The following LIPG variants were observed in gnomAD, a reference collection of about 807,000 sequenced individuals.
LIPG encodes the protein endothelial lipase.
In LIPG, 34 loss-of-function variants were observed where a neutral mutation model predicts 51.8. The ratio of observed to expected loss-of-function variants is 0.66; its 90% CI spans 0.50 to 0.87. The LOEUF (loss-of-function observed/expected upper bound fraction) is 0.87, where lower values mean the gene tolerates loss of function less well. LIPG is among the 40% of genes least tolerant of loss of function. The pLI is 0.00. For synonymous variants in LIPG, 246 were observed against 246.1 expected, an observed-to-expected ratio of 1.00 and a Z score of 0.00; for missense variants, 580 against 652.7, an observed-to-expected ratio of 0.89 and a Z score of 1.21.
At position 49,597,169 on chromosome 18, in the gene LIPG, A is replaced by T. The variant is rs979053569; in HGVS notation, c.*6647A>T. On this transcript the variant is annotated 3_prime_UTR_variant, in exon 10 of 10. Transcript: ENST00000261292. ...AGGAAAGGTTCCTGTTGGGATAGAG[A>T]AACAGTGGAGCAGGGCAGCCACCTT... The T allele has an allele frequency of 1.3e-5, 2 of 152,242 alleles. No homozygotes were observed. Among genetic ancestry groups the T allele is most frequent in the East Asian group, 3.8e-4 (2 of 5,202 alleles). The allele number at this position is 152,242 out of a possible 1,614,324, so 9.4% of individuals were successfully genotyped here. A position where few individuals can be genotyped will look rare whatever the true frequency, so the allele number is the denominator to read the frequency against.
intron 6 of LIPG, 86 bp downstream of exon 6, chr18:49,581,743 G>A: frequency 1.3e-6 from 2 of 1,538,704 alleles, no homozygotes; most frequent in South Asian, 1.1e-5. Context: ...GCACATCCTA[G>A]CCCAGGAGAA....
At chr18:49,587,923 G>A (rs1048091537) in intron 9 of LIPG, among the ~76,000 whole-genome samples, 5 of 152,060 alleles carry the variant, frequency 3.3e-5, no homozygotes, top group African/African-American at 1.2e-4. Flanking sequence ...TGTATAGCTG[G>A]GACCACAGGC....
chr18:49,579,367 T>G (rs1432724427), intron 5 of LIPG, among the ~76,000 whole-genome samples: 1 of 151,730 alleles, frequency 6.6e-6, no homozygotes, highest in Non-Finnish European at 1.5e-5. Flanking sequence ...GTTTCCCAGG[T>G]TGGAAACAAA....
chr18:49,581,302 C>A, intron 5 of LIPG, 113 bp from the exon 6 acceptor site: 1 of 1,433,840 alleles, frequency 7.0e-7, no homozygotes, highest in Non-Finnish European at 9.8e-7. Flanking sequence ...CATGAAAATA[C>A]TAACAGCAAC....
At chr18:49,574,719 G>A (rs1212140315) in intron 4 of LIPG, among the ~76,000 whole-genome samples, 1 of 152,112 alleles carries the variant, frequency 6.6e-6, no homozygotes, top group East Asian at 1.9e-4. Context: ...AACACAAAAT[G>A]TTTGGAGGCG....
chr18:49,589,954 G>A (rs9963190), intron 9 of LIPG: 1 of 177,720 alleles, frequency 5.6e-6, no homozygotes, highest in Admixed American at 5.4e-5. Context: ...AACATGTTTA[G>A]CATCCTCCCT....
chr18:49,581,215 C>G (rs982849000), intron 5 of LIPG, among the ~76,000 whole-genome samples, 200 bp from the exon 6 acceptor site: 2 of 152,026 alleles, frequency 1.3e-5, no homozygotes, highest in Non-Finnish European at 2.9e-5. Flanking sequence ...AGCGGGGGGT[C>G]GTGATTGTCC....
chr18:49,578,981 C>T (rs1030901103), intron 5 of LIPG, among the ~76,000 whole-genome samples: 1 of 121,422 alleles, frequency 8.2e-6, no homozygotes, highest in African/African-American at 3.3e-5. Flanking sequence ...AGCTTCGGCT[C>T]CACATGAGAG....
chr18:49,561,891 G>C (rs1323374577), upstream of LIPG: 1 of 1,284,388 alleles, frequency 7.8e-7, no homozygotes, highest in Non-Finnish European at 9.8e-7. Context: ...CGTCCACGCG[G>C]TGAGTGTGCA....
At chr18:49,563,300 C>T (rs1413151606) in intron 1 of LIPG, among the ~76,000 whole-genome samples, 1 of 152,160 alleles carries the variant, frequency 6.6e-6, no homozygotes, top group Non-Finnish European at 1.5e-5. Context: ...GTTTCCAACT[C>T]TGGTGCTAAC....
chr18:49,567,575 C>G lies in LIPG; in HGVS notation c.413C>G (p.Thr138Ser). 1 of 1,614,044 alleles carries G rather than the reference C, an allele frequency of 6.2e-7. No homozygotes were observed. The highest frequency in any genetic ancestry group is 8.5e-7 in the Non-Finnish European group (1 of 1,180,024). The change falls in exon 3 of 10, where the codon ACC becomes AGC. Residue 138 changes from threonine (T) to serine (S), a missense_variant. Physicochemically the swap from Thr to Ser is moderately conservative, Grantham distance 58. Transcript: ENST00000261292. Reference sequence around the variant, plus strand: ...CTTTACACGGATGCGGTCAATAATACCAGGGTGGTGGGACACAGCATTGCC... The same window carrying G: ...CTTTACACGGATGCGGTCAATAATAGCAGGGTGGTGGGACACAGCATTGCC... ...HQLYTDAVNN[T>S]RVVGHSIARM...
chr18:49,590,266 C>T (rs1336795696), intron 9 of LIPG: 1 of 626,168 alleles, frequency 1.6e-6, no homozygotes, highest in Non-Finnish European at 2.9e-6. Flanking sequence ...ACTCAGGGTC[C>T]AGAGGGTGCT....
upstream of LIPG, chr18:49,561,630 C>T: frequency 8.3e-7 from 1 of 1,208,188 alleles, no homozygotes; most frequent in Non-Finnish European, 1.0e-6. Flanking sequence ...GGACTCCCGG[C>T]CCAGGGAGCG....
At chr18:49,562,012 A>G, upstream of LIPG, 1 of 1,419,944 alleles carries the variant, frequency 7.0e-7, no homozygotes, top group Non-Finnish European at 9.2e-7. Flanking sequence ...GCGATGGGTC[A>G]GATGACTCCC....
At chr18:49,571,390 C>T (rs1441871038) in intron 4 of LIPG, among the ~76,000 whole-genome samples, 1 of 152,200 alleles carries the variant, frequency 6.6e-6, no homozygotes, top group Non-Finnish European at 1.5e-5. Context: ...GGGAACTTTC[C>T]AGTTCTTTCC....
chr18:49,586,872 G>C (rs116888584), intron 9 of LIPG, 22 bp downstream of exon 9: 1 of 1,544,902 alleles, frequency 6.5e-7, no homozygotes, highest in African/African-American at 1.4e-5. Flanking sequence ...TTTCTCACAC[G>C]TTCCACCCAG....
intron 5 of LIPG, 96 bp from the exon 6 acceptor site, chr18:49,581,319 C>T: frequency 6.7e-7 from 1 of 1,486,510 alleles, no homozygotes; most frequent in Non-Finnish European, 9.4e-7. Context: ...CAACAATAAA[C>T]AGCTATCACT....
At chr18:49,585,626 C>G (rs1007210065) in intron 8 of LIPG, among the ~76,000 whole-genome samples, 1 of 152,180 alleles carries the variant, frequency 6.6e-6, no homozygotes, top group Non-Finnish European at 1.5e-5. Context: ...AGATGAACAT[C>G]CTCTGCATTT....
At chr18:49,583,818 A>T (rs766237114) in intron 8 of LIPG, 44 bp downstream of exon 8, 1 of 1,532,414 alleles carries the variant, frequency 6.5e-7, no homozygotes, top group Non-Finnish European at 8.9e-7. Context: ...TAGGTGGGGA[A>T]CAGAAGGCTG....
Sources: gnomAD v4.1 joint callset for allele counts (sites outside exome capture counted in the v4.1 genomes callset) on GRCh38, gnomAD v4.1.1 for gene constraint, MANE v1.5 for transcripts, NCBI Gene and HGNC (gene_info 2026-07-23, HGNC 2026-07-21) for gene names.